Variants in TGFA observed in about 807,000 individuals in gnomAD.
TGFA encodes the protein transforming growth factor alpha.
Under a neutral mutation model 21.7 loss-of-function variants are expected in TGFA, and 12 were observed. The ratio of observed to expected loss-of-function variants is 0.55; its 90% CI spans 0.35 to 0.90. The LOEUF (loss-of-function observed/expected upper bound fraction) is 0.90. TGFA is among the 40% of genes least tolerant of loss of function. TGFA has a pLI of 0.01. For synonymous variants in TGFA, 79 were observed against 88.1 expected (o/e 0.90, Z 0.58); for missense variants, 178 against 210.8 (o/e 0.84, Z 0.96).
chr2:70,548,242 A>G (rs1553506312), intron 1 of TGFA, among the ~76,000 whole-genome samples: 1 of 152,112 alleles, frequency 6.6e-6, no homozygotes, highest in Non-Finnish European at 1.5e-5. Context: ...GAGGTCATCA[A>G]ATACTTATTG....
chr2:70,551,597 A>G (rs1451876337), intron 1 of TGFA, among the ~76,000 whole-genome samples: 4 of 152,190 alleles, frequency 2.6e-5, no homozygotes, highest in Admixed American at 6.5e-5. Context: ...AAGTAAAGCT[A>G]TATGTGGGAG....
chr2:70,542,687 C>T (rs1673168137), intron 1 of TGFA, among the ~76,000 whole-genome samples: 1 of 152,160 alleles, frequency 6.6e-6, no homozygotes, highest in African/African-American at 2.4e-5. Flanking sequence ...TCAGCAGCCT[C>T]AGCTACAAAT....
intron 2 of TGFA, 21 bp from the exon 3 acceptor site, chr2:70,465,757 G>A (rs1214855356): frequency 3.2e-5 from 51 of 1,613,038 alleles, no homozygotes; most frequent in Non-Finnish European, 4.0e-5. Context: ...GAAAGATGCA[G>A]GGCTCAGATC....
rs999704370 is a variant in TGFA, at chr2:70,448,943, T to C, written c.*1916A>G. The stretch of plus-strand genomic sequence containing the variant: ...CTCTTGGATGCTAACTACTGATTGA[T>C]AGAGGTCTAAAAACCAGTGTCCGTT... On this transcript the variant is annotated 3_prime_UTR_variant, in exon 6 of 6. Transcript: ENST00000295400. 1 of 152,244 alleles carries C rather than the reference T, an allele frequency of 6.6e-6. No individual in the cohort carries two copies. Among genetic ancestry groups the C allele is most frequent in the African/African-American group, 2.4e-5 (1 of 41,464 alleles). The allele number at this position is 152,244 out of a possible 1,614,324, so 9.4% of individuals were successfully genotyped here. A position where few individuals can be genotyped will look rare whatever the true frequency, so the allele number is the denominator to read the frequency against.
intron 1 of TGFA, among the ~76,000 whole-genome samples, chr2:70,527,332 G>A (rs1414853625): frequency 2.6e-5 from 4 of 152,202 alleles, no homozygotes; most frequent in South Asian, 4.1e-4. Context: ...CATGAAAGAC[G>A]CCAGTCTGAA....
intron 2 of TGFA, among the ~76,000 whole-genome samples, chr2:70,476,107 AT>A (rs1670925123): frequency 1.2e-4 from 17 of 140,492 alleles, no homozygotes; most frequent in African/African-American, 2.5e-4. Flanking sequence ...AAAAAAAAAA[AT>A]TAAGAAAATT....
intron 1 of TGFA, among the ~76,000 whole-genome samples, chr2:70,553,010 G>C (rs782110295): frequency 4.2e-4 from 64 of 152,326 alleles, no homozygotes; most frequent in Admixed American, 1.1e-3. Context: ...CGGGAGAGGG[G>C]TTTAACTTCC....
At chr2:70,514,474 T>C (rs1355329349) in intron 2 of TGFA, among the ~76,000 whole-genome samples, 1 of 150,256 alleles carries the variant, frequency 6.7e-6, no homozygotes, top group Admixed American at 6.6e-5. Flanking sequence ...AGAAAATAAC[T>C]AAACAAAGGT....
chr2:70,546,862 C>A (rs919202623), intron 1 of TGFA, among the ~76,000 whole-genome samples: 1 of 152,036 alleles, frequency 6.6e-6, no homozygotes, highest in African/African-American at 2.4e-5. Flanking sequence ...GCCAGAAAAC[C>A]TTTTAATAGC....
chr2:70,550,362 C>T (rs7568505), intron 1 of TGFA, among the ~76,000 whole-genome samples: 1 of 151,814 alleles, frequency 6.6e-6, no homozygotes, highest in Non-Finnish European at 1.5e-5. Context: ...TTTATTATTC[C>T]CACTTTACAG....
At chr2:70,509,494 G>A (rs17005743) in intron 2 of TGFA, among the ~76,000 whole-genome samples, 1,688 of 152,196 alleles carry the variant, frequency 0.011, 32 homozygotes, top group African/African-American at 0.038. Context: ...GCTGATAATG[G>A]TGACATTCCC....
intron 1 of TGFA, among the ~76,000 whole-genome samples, chr2:70,516,676 A>G (rs1672289808): frequency 6.6e-6 from 1 of 152,184 alleles, no homozygotes; most frequent in Non-Finnish European, 1.5e-5. Flanking sequence ...TGTTAAAACA[A>G]GGCATCCCCA....
intron 1 of TGFA, among the ~76,000 whole-genome samples, chr2:70,531,756 G>C (rs782660944): frequency 5.9e-5 from 9 of 152,156 alleles, no homozygotes; most frequent in African/African-American, 1.2e-4. Flanking sequence ...CAAGGATGTG[G>C]GTGGAAGGAA....
At chr2:70,524,445 T>A (rs115130176) in intron 1 of TGFA, among the ~76,000 whole-genome samples, 2,950 of 152,340 alleles carry the variant, frequency 0.019, 91 homozygotes, top group African/African-American at 0.068. Context: ...ACGCACTGGC[T>A]GGCTGAGGGC....
At chr2:70,496,206 C>T (rs576349597) in intron 2 of TGFA, among the ~76,000 whole-genome samples, 30 of 152,018 alleles carry the variant, frequency 2.0e-4, no homozygotes, top group Non-Finnish European at 2.6e-4. Flanking sequence ...CCAGTTGCTG[C>T]CATAAATTAT....
At chr2:70,549,025 C>T (rs1166429710) in intron 1 of TGFA, among the ~76,000 whole-genome samples, 1 of 152,168 alleles carries the variant, frequency 6.6e-6, no homozygotes, top group African/African-American at 2.4e-5. Context: ...CATATTAGCC[C>T]TTTAGCAAAG....
chr2:70,549,337 A>G (rs1553506444), intron 1 of TGFA, among the ~76,000 whole-genome samples: 1 of 152,226 alleles, frequency 6.6e-6, no homozygotes, highest in Non-Finnish European at 1.5e-5. Context: ...GGTAACATGC[A>G]ATTGGTTAAG....
chr2:70,507,944 A>G (rs1410800918), intron 2 of TGFA, among the ~76,000 whole-genome samples: 14 of 152,224 alleles, frequency 9.2e-5, no homozygotes, highest in Admixed American at 7.9e-4. Context: ...CAGTTAGGCT[A>G]TATATTTACC....
chr2:70,472,498 C>A (rs2103723795), intron 2 of TGFA, among the ~76,000 whole-genome samples: 1 of 152,294 alleles, frequency 6.6e-6, no homozygotes. Context: ...ACTAACAGGG[C>A]CTGGAGCCCA....
Sources: allele counts gnomAD v4.1 joint callset (sites outside exome capture counted in the v4.1 genomes callset), GRCh38; gene constraint gnomAD v4.1.1; transcripts MANE v1.5; gene names NCBI Gene and HGNC (gene_info 2026-07-23, HGNC 2026-07-21).